The following CCNYL1 variants were observed in gnomAD, a reference collection of about 807,000 sequenced individuals.
CCNYL1 encodes cyclin-Y-like protein 1.
In CCNYL1, 16 loss-of-function variants were observed where a neutral mutation model predicts 44.2. The observed-to-expected ratio is 0.36, with a 90% CI of 0.25 to 0.55. The LOEUF (loss-of-function observed/expected upper bound fraction) is 0.55, where lower values mean the gene tolerates loss of function less well. Among genes scored for constraint, CCNYL1 ranks in the 20% least tolerant of loss-of-function variants. CCNYL1 has a pLI of 0.85. For synonymous variants in CCNYL1, 159 were observed against 163.2 expected (o/e 0.97, Z 0.20); for missense variants, 348 against 451.8 (o/e 0.77, Z 2.08).
intron 9 of CCNYL1, among the ~76,000 whole-genome samples, chr2:207,752,483 G>A (rs893330583): frequency 6.6e-6 from 1 of 151,458 alleles, no homozygotes; most frequent in Non-Finnish European, 1.5e-5. Context: ...GCAGTGAGCC[G>A]AGATCATGCC....
chr2:207,743,184 A>G (rs2091824875), intron 7 of CCNYL1, among the ~76,000 whole-genome samples: 1 of 152,210 alleles, frequency 6.6e-6, no homozygotes, highest in African/African-American at 2.4e-5. Flanking sequence ...AGGCCTTTTC[A>G]TGGAGCTGTA....
intron 3 of CCNYL1, among the ~76,000 whole-genome samples, chr2:207,732,547 G>A (rs906602274): frequency 6.6e-6 from 1 of 151,902 alleles, no homozygotes; most frequent in African/African-American, 2.4e-5. Context: ...TGACAACATG[G>A]TAAAAACTAT....
chr2:207,730,467 A>G (rs2091718153), intron 3 of CCNYL1, among the ~76,000 whole-genome samples: 1 of 152,172 alleles, frequency 6.6e-6, no homozygotes, highest in African/African-American at 2.4e-5. Context: ...ATTAAAAGTC[A>G]TCTGCTGTGG....
At position 207,725,232 on chromosome 2, in the gene CCNYL1, T is replaced by C. The variant is rs140840998; in HGVS notation, c.295+358T>C. 5.9e-3 allele frequency among the ~76,000 whole-genome samples: 894 copies of C among 150,812 alleles called. 6 individuals are homozygous for C. Among genetic ancestry groups the C allele is most frequent in the African/African-American group, 0.021 (854 of 41,142 alleles). ...GCCTCCATCTCCCACGTTCAAGCAA[T>C]TCTCCTGCCTCAGCCTCCCAAGTAG... On this transcript the variant is annotated intron_variant, in intron 2 of 9. Coordinates refer to ENST00000295414, the MANE Select transcript of CCNYL1 (RefSeq NM_001330218.2).
At chr2:207,743,400 G>A (rs1403225944) in intron 7 of CCNYL1, among the ~76,000 whole-genome samples, 1 of 152,184 alleles carries the variant, frequency 6.6e-6, no homozygotes, top group Non-Finnish European at 1.5e-5. Flanking sequence ...TCTGAGCTTA[G>A]AGGTAAGGAA....
Position 207,712,834 on chromosome 2 carries a change from C to T in CCNYL1, c.220+718C>T, listed in dbSNP as rs187188008. On this transcript the variant is annotated intron_variant, in intron 1 of 9. Transcript: ENST00000295414. ...GTGCAGACAAGTTGTTTTTTTGAGACGGAATCTCGTTTTGTCGCCCGCCCA... is the reference window on the plus strand; with the variant it reads ...GTGCAGACAAGTTGTTTTTTTGAGATGGAATCTCGTTTTGTCGCCCGCCCA... Among the ~76,000 whole-genome samples the T allele has an allele frequency of 2.4e-4, 37 of 152,194 alleles. 1 individual carries two copies. Among genetic ancestry groups the T allele is most frequent in the African/African-American group, 8.7e-4 (36 of 41,534 alleles).
chr2:207,712,578 C>A (rs2091559390), intron 1 of CCNYL1, among the ~76,000 whole-genome samples: 1 of 152,050 alleles, frequency 6.6e-6, no homozygotes, highest in South Asian at 2.1e-4. Context: ...TCCTCCCATC[C>A]GTGAAGATAG....
chr2:207,715,695 A>C (rs550056030), intron 1 of CCNYL1, among the ~76,000 whole-genome samples: 116 of 128,896 alleles, frequency 9.0e-4, no homozygotes, highest in Non-Finnish European at 1.5e-3. Flanking sequence ...TTTTTTTTTG[A>C]GATGGAGTTT....
intron 1 of CCNYL1, among the ~76,000 whole-genome samples, chr2:207,716,175 C>T (rs1469593239): frequency 1.3e-5 from 2 of 152,060 alleles, no homozygotes; most frequent in East Asian, 1.9e-4. Context: ...TATGTTCTGA[C>T]GTTAGGAGCT....
At chr2:207,735,758 T>C (rs1378017263) in intron 4 of CCNYL1, among the ~76,000 whole-genome samples, 1 of 152,020 alleles carries the variant, frequency 6.6e-6, no homozygotes, top group African/African-American at 2.4e-5. Flanking sequence ...TCCCAGCTAC[T>C]TGGGAGGCTG....
At chr2:207,723,874 C>CA (rs58432475) in intron 1 of CCNYL1, among the ~76,000 whole-genome samples, 14,126 of 52,364 alleles carry the variant, frequency 0.27, 2,118 homozygotes, top group East Asian at 0.47. Context: ...GACTCCATCT[C>CA]AAAAAAAAAA....
chr2:207,730,614 C>T (rs535791182), intron 3 of CCNYL1, among the ~76,000 whole-genome samples: 1 of 152,160 alleles, frequency 6.6e-6, no homozygotes, highest in East Asian at 1.9e-4. Flanking sequence ...AAAAATTAGC[C>T]GGGTGTGGTG....
At chr2:207,732,869 A>C (rs1484644165) in intron 3 of CCNYL1, among the ~76,000 whole-genome samples, 1 of 152,242 alleles carries the variant, frequency 6.6e-6, no homozygotes, top group African/African-American at 2.4e-5. Context: ...AGTAGCATTT[A>C]CCTTCCAAAT....
intron 3 of CCNYL1, among the ~76,000 whole-genome samples, chr2:207,728,727 C>T (rs577762857): frequency 3.5e-4 from 54 of 152,210 alleles, no homozygotes; most frequent in Non-Finnish European, 7.2e-4. Context: ...TACATGTCTC[C>T]GGAAGCTTTT....
chr2:207,751,406 C>T (rs540502865), intron 9 of CCNYL1, among the ~76,000 whole-genome samples: 1 of 152,316 alleles, frequency 6.6e-6, no homozygotes, highest in African/African-American at 2.4e-5. Flanking sequence ...AACTTCTACC[C>T]TTTCACATAA....
At chr2:207,733,723 G>C (rs1162445107) in intron 3 of CCNYL1, among the ~76,000 whole-genome samples, 2 of 152,102 alleles carry the variant, frequency 1.3e-5, no homozygotes, top group Non-Finnish European at 2.9e-5. Flanking sequence ...TTTGATTATA[G>C]GTACCACAAG....
At chr2:207,740,301 T>G (rs944674942) in intron 5 of CCNYL1, among the ~76,000 whole-genome samples, 1 of 152,206 alleles carries the variant, frequency 6.6e-6, no homozygotes, top group Non-Finnish European at 1.5e-5. Context: ...TCTAAAGAGT[T>G]TATTGCCCAC....
rs2091574652 is a variant in CCNYL1 at position 207,714,148 on chromosome 2, TG to T, written c.220+2034del. Among the ~76,000 whole-genome samples the T allele has an allele frequency of 2.0e-5, 3 of 152,196 alleles. No homozygotes were observed. In the South Asian group the frequency reaches 6.2e-4, roughly 32 times the overall value. On this transcript the variant is annotated intron_variant, in intron 1 of 9. Coordinates refer to ENST00000295414, the MANE Select transcript of CCNYL1 (RefSeq NM_001330218.2). ...AAGGTTCTCAGTTCTCAGACTGACATGGAGGTGAGATATACCAAGTTCAGTT... is the reference window on the plus strand; with the variant it reads ...AAGGTTCTCAGTTCTCAGACTGACATGAGGTGAGATATACCAAGTTCAGTT...
chr2:207,725,733 A>G (rs1575212320), intron 2 of CCNYL1, among the ~76,000 whole-genome samples: 1 of 152,350 alleles, frequency 6.6e-6, no homozygotes, highest in Non-Finnish European at 1.5e-5. Context: ...AGCCTCAGCA[A>G]GTGAAACTTA....
Sources: gnomAD v4.1 joint callset for allele counts (sites outside exome capture counted in the v4.1 genomes callset) on GRCh38, gnomAD v4.1.1 for gene constraint, MANE v1.5 for transcripts, NCBI Gene and HGNC (gene_info 2026-07-23, HGNC 2026-07-21) for gene names.